CCDC102B: variants seen among roughly 807,000 people sequenced by gnomAD.
The protein encoded by CCDC102B is coiled-coil domain-containing protein 102B.
CCDC102B carries 75 observed loss-of-function variants against 57.4 expected under a neutral mutation model. The observed-to-expected ratio is 1.31, with a 90% CI of 1.08 to 1.58. The LOEUF (loss-of-function observed/expected upper bound fraction) is 1.58, where lower values mean the gene tolerates loss of function less well. Ranked by LOEUF, CCDC102B falls within the 40% of genes most tolerant of loss-of-function variation. CCDC102B has a pLI of 0.00. For synonymous variants in CCDC102B, 206 were observed against 201.9 expected (o/e 1.02, Z -0.17); for missense variants, 636 against 582.6 (o/e 1.09, Z -0.94).
At chr18:68,957,113 T>C (rs2049921326) in intron 6 of CCDC102B, among the ~76,000 whole-genome samples, 1 of 152,148 alleles carries the variant, frequency 6.6e-6, no homozygotes, top group Non-Finnish European at 1.5e-5. Flanking sequence ...TCCTTTACCG[T>C]GCAGAAGTTT....
At chr18:69,037,429 G>C (rs1022021326) in intron 7 of CCDC102B, among the ~76,000 whole-genome samples, 3 of 152,042 alleles carry the variant, frequency 2.0e-5, no homozygotes, top group African/African-American at 7.2e-5. Flanking sequence ...GTAGAATAAA[G>C]TGTCTAATGA....
intron 4 of CCDC102B, among the ~76,000 whole-genome samples, chr18:68,861,696 G>T (rs9319769): frequency 0.027 from 4,070 of 152,220 alleles, 187 homozygotes; most frequent in African/African-American, 0.092. Flanking sequence ...TCTTTTAGAT[G>T]TTAGTTTTCT....
Position 68,956,370 on chromosome 18 carries a change from TAAAATGTA to T in CCDC102B, c.1264-54563_1264-54556del, listed in dbSNP as rs1568351967. ...TATATTAATATATATAATATATATA[TAAAATGTA>T]TAATATATAATATATATATAAATAT... is the stretch of plus-strand genomic sequence containing the variant. On this transcript the variant is annotated intron_variant, in intron 6 of 7. Coordinates refer to ENST00000360242, the MANE Select transcript of CCDC102B (RefSeq NM_024781.3). 3.9e-4 allele frequency among the ~76,000 whole-genome samples: 20 copies of T among 51,170 alleles called. 1 individual carries two copies. Among genetic ancestry groups the T allele is most frequent in the South Asian group, 3.7e-3 (7 of 1,872 alleles). The allele number at this position is 51,170 out of a possible 152,430, so 33.6% of individuals were successfully genotyped here. A position where few individuals can be genotyped will look rare whatever the true frequency, so the allele number is the denominator to read the frequency against.
At chr18:68,784,324 T>G (rs2035112949) in intron 2 of CCDC102B, among the ~76,000 whole-genome samples, 1 of 150,574 alleles carries the variant, frequency 6.6e-6, no homozygotes, top group Non-Finnish European at 1.5e-5. Flanking sequence ...GAGAGGGAAG[T>G]GACACACATT....
intron 2 of CCDC102B, among the ~76,000 whole-genome samples, chr18:68,752,337 A>G (rs184988074): frequency 1.4e-3 from 211 of 152,276 alleles, no homozygotes; most frequent in African/African-American, 4.2e-3. Flanking sequence ...CAACAATGGA[A>G]GCCAGGAGAA....
At chr18:68,871,851 T>C (rs1356165907) in intron 4 of CCDC102B, among the ~76,000 whole-genome samples, 1 of 152,152 alleles carries the variant, frequency 6.6e-6, no homozygotes, top group Non-Finnish European at 1.5e-5. Context: ...AATTGCTTTT[T>C]AAAAAGCTTT....
At chr18:68,770,557 G>A (rs868128088) in intron 2 of CCDC102B, among the ~76,000 whole-genome samples, 3 of 152,150 alleles carry the variant, frequency 2.0e-5, no homozygotes, top group South Asian at 2.1e-4. Context: ...TACCTCAGAG[G>A]GGGGAGAATT....
chr18:68,997,225 G>A (rs754049750), intron 6 of CCDC102B, among the ~76,000 whole-genome samples: 7 of 152,034 alleles, frequency 4.6e-5, no homozygotes, highest in Admixed American at 3.3e-4. Context: ...GTTCTTTATC[G>A]GAGTGTGAAA....
intron 6 of CCDC102B, among the ~76,000 whole-genome samples, chr18:68,943,905 A>G (rs894114756): frequency 5.9e-5 from 9 of 152,172 alleles, no homozygotes; most frequent in Admixed American, 5.2e-4. Context: ...TTACAGAGAG[A>G]TAAACAATTT....
chr18:68,857,408 ATATATATT>A (rs1568293442), intron 4 of CCDC102B, among the ~76,000 whole-genome samples: 1 of 126,424 alleles, frequency 7.9e-6, no homozygotes, highest in Non-Finnish European at 1.6e-5. Flanking sequence ...ATATATAAAT[ATATATATT>A]TATATATAAA....
intron 6 of CCDC102B, among the ~76,000 whole-genome samples, chr18:68,992,444 G>A (rs910108582): frequency 1.3e-5 from 2 of 152,138 alleles, no homozygotes; most frequent in African/African-American, 4.8e-5. Context: ...CTTGGACTTA[G>A]TGTTTCTTCA....
chr18:68,784,301 C>G (rs990345617), intron 2 of CCDC102B, among the ~76,000 whole-genome samples: 7 of 151,016 alleles, frequency 4.6e-5, no homozygotes, highest in African/African-American at 1.2e-4. Flanking sequence ...ATGGTGGGAG[C>G]AGGAGGAAGA....
intron 2 of CCDC102B, among the ~76,000 whole-genome samples, chr18:68,770,529 G>A (rs1453378894): frequency 1.3e-5 from 2 of 152,158 alleles, no homozygotes; most frequent in African/African-American, 4.8e-5. Flanking sequence ...CCAAGGCAAG[G>A]TTGTGGATGC....
chr18:68,865,474 C>T (rs982914726), intron 4 of CCDC102B, among the ~76,000 whole-genome samples: 1 of 152,094 alleles, frequency 6.6e-6, no homozygotes, highest in African/African-American at 2.4e-5. Context: ...ATACCACTGC[C>T]ATCTCCCTAT....
At chr18:68,887,324 C>G (rs1034320813) in intron 5 of CCDC102B, among the ~76,000 whole-genome samples, 2 of 152,088 alleles carry the variant, frequency 1.3e-5, no homozygotes, top group African/African-American at 4.8e-5. Context: ...TAGACAAGAG[C>G]CACTTAAAAT....
chr18:68,717,058 C>T lies in CCDC102B; in HGVS notation c.-67+464C>T, dbSNP rs145640788. ...CGCCACTGCACTCCAGCCTGGGCGA[C>T]AGAGCAAGACTCTGTTTCAAAAAAA... On this transcript the variant is annotated intron_variant, in intron 2 of 3. Transcript: ENST00000578970. Among the ~76,000 whole-genome samples the T allele has an allele frequency of 8.5e-3, 1,236 of 144,962 alleles. 20 individuals carry two copies. The highest frequency in any genetic ancestry group is 0.03 in the African/African-American group (1,164 of 38,836).
chr18:68,850,318 T>C (rs1190252544), intron 4 of CCDC102B, among the ~76,000 whole-genome samples: 2 of 152,098 alleles, frequency 1.3e-5, no homozygotes, highest in African/African-American at 4.8e-5. Context: ...TCCAAATCTC[T>C]CATATTGAGA....
chr18:68,996,339 G>C (rs2051026907), intron 6 of CCDC102B, among the ~76,000 whole-genome samples: 1 of 152,164 alleles, frequency 6.6e-6, no homozygotes, highest in African/African-American at 2.4e-5. Flanking sequence ...TGGTTTGCCA[G>C]GGACTCTTGG....
At chr18:68,921,608 G>A (rs2041284837) in intron 6 of CCDC102B, among the ~76,000 whole-genome samples, 1 of 152,158 alleles carries the variant, frequency 6.6e-6, no homozygotes, top group South Asian at 2.1e-4. Context: ...GAATAAGCAG[G>A]ACTTGACCTG....
Sources: gnomAD v4.1 joint callset for allele counts (sites outside exome capture counted in the v4.1 genomes callset) on GRCh38, gnomAD v4.1.1 for gene constraint, MANE v1.5 for transcripts, NCBI Gene and HGNC (gene_info 2026-07-23, HGNC 2026-07-21) for gene names.